PCDHA2: variants seen among roughly 807,000 people sequenced by gnomAD.
PCDHA2 encodes protocadherin alpha-2.
A neutral mutation model predicts 66.0 loss-of-function variants in PCDHA2; 58 were observed. That is an observed-to-expected ratio of 0.88 (90% CI 0.71 to 1.09). The LOEUF (loss-of-function observed/expected upper bound fraction) is 1.09, where lower values mean the gene tolerates loss of function less well. Among genes scored for constraint, PCDHA2 ranks in the 50% least tolerant of loss-of-function variants. The pLI is 0.00. For synonymous variants in PCDHA2, 634 were observed against 554.0 expected (o/e 1.14, Z -2.03); for missense variants, 1,267 against 1,242.3 (o/e 1.02, Z -0.30).
At chr5:140,861,738 T>C (rs1554155173) in intron 1 of PCDHA2, 1 of 160,806 alleles carries the variant, frequency 6.2e-6, no homozygotes, top group African/African-American at 2.5e-5. Context: ...ACTTACATAC[T>C]GTGCCGCAAT....
At chr5:140,808,715 G>A (rs782371086) in intron 1 of PCDHA2, 1 of 1,612,116 alleles carries the variant, frequency 6.2e-7, no homozygotes. Context: ...CTACGTTTCG[G>A]TGCATGCGGA....
At chr5:140,968,841 A>G in intron 1 of PCDHA2, 1 of 1,614,222 alleles carries the variant, frequency 6.2e-7, no homozygotes, top group Middle Eastern at 1.6e-4. Context: ...CCTGACACTC[A>G]GAGGCATGTT....
At position 141,010,004 on chromosome 5, in the gene PCDHA2, A is replaced by T; in HGVS notation, c.*67A>T. 1 of 1,573,418 alleles carries T rather than the reference A, an allele frequency of 6.4e-7. No individual in the cohort carries two copies. The highest frequency in any genetic ancestry group is 8.6e-7 in the Non-Finnish European group (1 of 1,163,824). ...TAATGGCAAATCTCTCCCATGTAGC[A>T]ATTCCCTGCTCCTTTTTCCTATCTA... On this transcript the variant is annotated 3_prime_UTR_variant, in exon 4 of 4. Transcript: ENST00000526136.
At chr5:140,915,772 G>A (rs1282338375) in intron 1 of PCDHA2, among the ~76,000 whole-genome samples, 1 of 151,950 alleles carries the variant, frequency 6.6e-6, no homozygotes, top group East Asian at 1.9e-4. Flanking sequence ...CTTGTCCAAG[G>A]CCTGCTGTAA....
intron 1 of PCDHA2, among the ~76,000 whole-genome samples, chr5:140,875,029 T>C (rs1288139866): frequency 6.6e-6 from 1 of 152,256 alleles, no homozygotes; most frequent in Non-Finnish European, 1.5e-5. Flanking sequence ...TGGCCTACTG[T>C]ATTTGAAAGA....
rs781985413 is a variant in PCDHA2 at position 140,857,290 on chromosome 5, C to T, written c.2388+59938C>T. On this transcript the variant is annotated intron_variant, in intron 1 of 3. Coordinates refer to ENST00000526136, the MANE Select transcript of PCDHA2 (RefSeq NM_018905.3). ...TGGTGCTGGACAGCGCTCTGGACCG[C>T]GAGAGGGTGTCGGCCTATGAGCTGG... 16 of 1,598,706 alleles carry T rather than the reference C, an allele frequency of 1.0e-5. 2 individuals carry two copies. Among genetic ancestry groups the T allele is most frequent in the Non-Finnish European group, 1.4e-5 (16 of 1,168,040 alleles).
At chr5:140,903,347 A>C (rs1393300562) in intron 1 of PCDHA2, among the ~76,000 whole-genome samples, 2 of 152,228 alleles carry the variant, frequency 1.3e-5, no homozygotes, top group Non-Finnish European at 2.9e-5. Context: ...GCATTTTAAA[A>C]AACAAGTTTT....
chr5:140,886,698 C>G (rs578140955), intron 1 of PCDHA2, among the ~76,000 whole-genome samples: 3 of 151,820 alleles, frequency 2.0e-5, no homozygotes, highest in Non-Finnish European at 4.4e-5. Flanking sequence ...TGGTGGCACG[C>G]GCCTGTAATC....
intron 1 of PCDHA2, chr5:140,835,628 C>G (rs1554135129): frequency 1.2e-6 from 2 of 1,613,772 alleles, no homozygotes; most frequent in African/African-American, 1.3e-5. Context: ...CTCTGGACCG[C>G]GAGAGTGTGT....
At chr5:140,969,919 T>C (rs773906362) in intron 1 of PCDHA2, among the ~76,000 whole-genome samples, 1 of 152,198 alleles carries the variant, frequency 6.6e-6, no homozygotes, top group South Asian at 2.1e-4. Flanking sequence ...GATAAAGCTG[T>C]AGTATTTAGA....
At chr5:140,802,944 C>T (rs375111738) in intron 1 of PCDHA2, 4 of 1,613,866 alleles carry the variant, frequency 2.5e-6, no homozygotes, top group Admixed American at 1.7e-5. Flanking sequence ...GCTGGTGCCG[C>T]GGTCAGTGGG....
At chr5:140,968,141 A>G in intron 1 of PCDHA2, 1 of 1,614,110 alleles carries the variant, frequency 6.2e-7, no homozygotes, top group Non-Finnish European at 8.5e-7. Context: ...GAAGGTTGAG[A>G]TCTCTGACAT....
rs782398517 is a variant in PCDHA2, at chr5:140,857,600, G to A, written c.2388+60248G>A. The A allele has an allele frequency of 5.0e-6, 8 of 1,596,228 alleles. No homozygotes were observed. In the African/African-American group the frequency reaches 9.4e-5, roughly 19 times the overall value. ...GCACGCGGAGAGCGGCAAGGTGTAC[G>A]CGCTGCAGCCGCTGGACCACGAGGA... is the stretch of plus-strand genomic sequence containing the variant. On this transcript the variant is annotated intron_variant, in intron 1 of 3. Transcript: ENST00000526136.
intron 3 of PCDHA2, among the ~76,000 whole-genome samples, chr5:140,988,221 T>A (rs1554249982): frequency 6.6e-6 from 1 of 152,016 alleles, no homozygotes; most frequent in Non-Finnish European, 1.5e-5. Context: ...AAAAATGAGA[T>A]CAGGGATCTA....
chr5:140,831,520 CTTTTTTTT>C (rs35178185), intron 1 of PCDHA2, among the ~76,000 whole-genome samples: 1 of 122,416 alleles, frequency 8.2e-6, no homozygotes, highest in Non-Finnish European at 1.6e-5. Context: ...TGCCCCCCAC[CTTTTTTTT>C]TTTTTTTTTT....
At chr5:140,870,561 C>T (rs544569992) in intron 1 of PCDHA2, 6 of 1,614,010 alleles carry the variant, frequency 3.7e-6, no homozygotes, top group African/African-American at 1.3e-5. Flanking sequence ...CGCAGGAGAA[C>T]GCGCTGGTGT....
rs1265467066 is a variant in PCDHA2 at position 140,843,106 on chromosome 5, C to A, written c.2388+45754C>A. On this transcript the variant is annotated intron_variant, in intron 1 of 3. Coordinates refer to ENST00000526136, the MANE Select transcript of PCDHA2 (RefSeq NM_018905.3). ...CGGGCCACGTGGTAGCGAAGGTGCGCGCAGTGGACGCCGACTCGGGCTACA... is the reference window on the plus strand; with the variant it reads ...CGGGCCACGTGGTAGCGAAGGTGCGAGCAGTGGACGCCGACTCGGGCTACA... 1.7e-5 allele frequency: 27 copies of A among 1,595,592 alleles called. 2 individuals are homozygous for A. The highest frequency in any genetic ancestry group is 8.4e-5 in the Admixed American group (5 of 59,298).
chr5:140,933,423 A>G (rs2089141997), intron 1 of PCDHA2, among the ~76,000 whole-genome samples: 1 of 152,144 alleles, frequency 6.6e-6, no homozygotes, highest in Non-Finnish European at 1.5e-5. Flanking sequence ...TTCTGTGTTC[A>G]TAGGGGCACT....
At chr5:140,982,025 C>A (rs1191670248) in intron 2 of PCDHA2, among the ~76,000 whole-genome samples, 1 of 152,180 alleles carries the variant, frequency 6.6e-6, no homozygotes, top group Non-Finnish European at 1.5e-5. Flanking sequence ...CAAATTGGAA[C>A]AATACTCCAA....
Sources: gnomAD v4.1 joint callset for allele counts (sites outside exome capture counted in the v4.1 genomes callset) on GRCh38, gnomAD v4.1.1 for gene constraint, MANE v1.5 for transcripts, NCBI Gene and HGNC (gene_info 2026-07-23, HGNC 2026-07-21) for gene names.